Variants in TAB2 observed in about 807,000 individuals in gnomAD.
TAB2 encodes TGF-beta-activated kinase 1 and MAP3K7-binding protein 2.
Under a neutral mutation model 65.0 loss-of-function variants are expected in TAB2, and 3 were observed. The observed-to-expected ratio is 0.05, with a 90% CI of 0.02 to 0.12. The LOEUF is 0.12. Ranked by LOEUF, TAB2 falls within the 10% of genes least tolerant of loss-of-function variation. TAB2 has a pLI of 1.00. For synonymous variants in TAB2, 298 were observed against 285.1 expected (o/e 1.05, Z -0.46); for missense variants, 623 against 840.3 (o/e 0.74, Z 3.20).
At chr6:149,301,945 A>G (rs543833846) in intron 1 of TAB2, among the ~76,000 whole-genome samples, 1 of 152,320 alleles carries the variant, frequency 6.6e-6, no homozygotes, top group African/African-American at 2.4e-5. Context: ...CTATATATAC[A>G]ATTTGTAAAA....
chr6:149,260,083 C>T (rs1199922040), intron 1 of TAB2, among the ~76,000 whole-genome samples: 1 of 152,174 alleles, frequency 6.6e-6, no homozygotes, highest in Non-Finnish European at 1.5e-5. Flanking sequence ...TGAGCATTGG[C>T]CAGGCCACGC....
In TAB2 at chr6:149,308,498, C is replaced by CTATT. The variant is rs528507201; in HGVS notation, c.-120-69501_-120-69498dup. 6.4e-3 allele frequency among the ~76,000 whole-genome samples: 887 copies of CTATT among 139,380 alleles called. 14 individuals are homozygous for CTATT. The highest frequency in any genetic ancestry group is 0.021 in the African/African-American group (762 of 36,740). The allele number at this position is 139,380 out of a possible 152,430, so 91.4% of individuals were successfully genotyped here. The stretch of plus-strand genomic sequence containing the variant: ...ATTTTTTAACCATTAGTGATATTTT[C>CTATT]TATTTATTTATTTATTTATTTACTT... On this transcript the variant is annotated intron_variant, in intron 1 of 1. Transcript: ENST00000606202.
At chr6:149,300,142 A>G (rs1040059901) in intron 1 of TAB2, among the ~76,000 whole-genome samples, 2 of 152,220 alleles carry the variant, frequency 1.3e-5, no homozygotes, top group African/African-American at 4.8e-5. Flanking sequence ...GTATAGGACT[A>G]GGAAGATGGA....
upstream of TAB2, among the ~76,000 whole-genome samples, chr6:149,218,404 A>C (rs1457126429): frequency 6.6e-6 from 1 of 152,222 alleles, no homozygotes; most frequent in East Asian, 1.9e-4. Context: ...TCAGGGACAA[A>C]AAAGAGACTC....
At chr6:149,234,494 G>A (rs369119860) in intron 1 of TAB2, among the ~76,000 whole-genome samples, 3 of 152,212 alleles carry the variant, frequency 2.0e-5, no homozygotes, top group East Asian at 1.9e-4. Flanking sequence ...AGGGTTTTGC[G>A]TAAGGTTTTG....
chr6:149,397,730 T>C lies in TAB2; in HGVS notation c.1730T>C (p.Leu577Pro), dbSNP rs1440349730. The change falls in exon 4 of 7, where the codon CTG becomes CCG. Residue 577 changes from leucine (L) to proline (P), a missense_variant. Physicochemically the swap from Leu to Pro is moderately conservative, Grantham distance 98 (BLOSUM62 -3). Coordinates refer to ENST00000637181, the MANE Select transcript of TAB2 (RefSeq NM_001292034.3). Reference protein sequence around the residue: ...EMENNLTRRRLKRSNSISQIP... With the variant: ...EMENNLTRRRPKRSNSISQIP... ...GAAAATAATCTAACTCGAAGGCGCC[T>C]GAAAAGATCAAATTCTATATCCCAG... 4.3e-6 allele frequency: 7 copies of C among 1,613,782 alleles called. No individual in the cohort carries two copies. The Admixed American group carries it at 5.0e-5, about 12-fold the overall frequency.
intron 1 of TAB2, among the ~76,000 whole-genome samples, chr6:149,336,819 G>T (rs1562421509): frequency 6.6e-6 from 1 of 152,078 alleles, no homozygotes; most frequent in East Asian, 1.9e-4. Flanking sequence ...AGGGTGTGGG[G>T]ACTGCTGGGA....
chr6:149,279,618 C>A (rs1125776), intron 1 of TAB2, among the ~76,000 whole-genome samples: 46,017 of 152,040 alleles, frequency 0.3, 8,368 homozygotes, highest in African/African-American at 0.52. Flanking sequence ...ACAGGAATAT[C>A]TGGCCCGAAA....
At chr6:149,315,724 G>A (rs1182089434), upstream of TAB2, among the ~76,000 whole-genome samples, 1 of 152,108 alleles carries the variant, frequency 6.6e-6, no homozygotes, top group Admixed American at 6.5e-5. Flanking sequence ...TAAAAATACA[G>A]GCTAGTTATT....
intron 1 of TAB2, among the ~76,000 whole-genome samples, chr6:149,361,227 TG>T (rs1192945782): frequency 6.6e-6 from 1 of 152,224 alleles, no homozygotes; most frequent in East Asian, 1.9e-4. Flanking sequence ...GTGAGGGCTC[TG>T]CCCCTGCAGC....
At chr6:149,275,103 C>T (rs1278376349) in intron 1 of TAB2, among the ~76,000 whole-genome samples, 1 of 146,364 alleles carries the variant, frequency 6.8e-6, no homozygotes, top group East Asian at 2.0e-4. Flanking sequence ...ATTCATTTCC[C>T]TAATTTTTTT....
chr6:149,344,871 T>TA (rs777493420), intron 1 of TAB2, among the ~76,000 whole-genome samples: 1 of 152,178 alleles, frequency 6.6e-6, no homozygotes, highest in Non-Finnish European at 1.5e-5. Context: ...ACTGAAATAA[T>TA]ACATGTTTAA....
At chr6:149,374,103 C>G (rs1226069538) in intron 2 of TAB2, among the ~76,000 whole-genome samples, 1 of 152,154 alleles carries the variant, frequency 6.6e-6, no homozygotes, top group Non-Finnish European at 1.5e-5. Flanking sequence ...AAATTTGTTA[C>G]TCTGAAAACT....
chr6:149,249,592 CTCTCTT>C (rs1185513918), intron 1 of TAB2, among the ~76,000 whole-genome samples: 1 of 151,996 alleles, frequency 6.6e-6, no homozygotes, highest in African/African-American at 2.4e-5. Flanking sequence ...CTGTCTCCCT[CTCTCTT>C]TCTGTCTCTC....
chr6:149,400,353 T>C (rs748012365), intron 6 of TAB2: 1 of 1,603,006 alleles, frequency 6.2e-7, no homozygotes, highest in South Asian at 1.1e-5. Context: ...CCGCCACCTC[T>C]TTTGTGAAGC....
At chr6:149,363,097 A>G (rs1233167769) in intron 1 of TAB2, among the ~76,000 whole-genome samples, 1 of 152,174 alleles carries the variant, frequency 6.6e-6, no homozygotes, top group East Asian at 1.9e-4. Flanking sequence ...TTATTGACTA[A>G]GTATCTAGGC....
chr6:149,348,931 A>C (rs548925), intron 1 of TAB2, among the ~76,000 whole-genome samples: 131,861 of 151,348 alleles, frequency 0.87, 57,505 homozygotes, highest in Middle Eastern at 0.97. Flanking sequence ...CGCACCGTTG[A>C]ACTCCAGCCT....
intron 2 of TAB2, among the ~76,000 whole-genome samples, chr6:149,377,348 A>G (rs1781438616): frequency 6.6e-6 from 1 of 151,306 alleles, no homozygotes; most frequent in East Asian, 2.0e-4. Context: ...CGTAAAAACA[A>G]TCTGAGGTTT....
At chr6:149,342,417 G>A (rs750813271) in intron 1 of TAB2, among the ~76,000 whole-genome samples, 3 of 152,148 alleles carry the variant, frequency 2.0e-5, no homozygotes, top group Non-Finnish European at 2.9e-5. Context: ...GTTGCTAAAA[G>A]CCATTAGAGA....
Sources: allele counts gnomAD v4.1 joint callset (sites outside exome capture counted in the v4.1 genomes callset), GRCh38; gene constraint gnomAD v4.1.1; transcripts MANE v1.5; gene names NCBI Gene and HGNC (gene_info 2026-07-23, HGNC 2026-07-21).